The following TBL2 variants were observed in gnomAD, a reference collection of about 807,000 sequenced individuals.
TBL2 encodes the protein transducin beta like 2, also known as transducin beta-like protein 2.
Under a neutral mutation model 41.8 loss-of-function variants are expected in TBL2, and 33 were observed. The observed-to-expected ratio is 0.79, with a 90% CI of 0.60 to 1.06. The LOEUF (loss-of-function observed/expected upper bound fraction) is 1.06. TBL2 is among the 50% of genes least tolerant of loss of function. The pLI is 0.00. For synonymous variants in TBL2, 239 were observed against 241.7 expected (o/e 0.99, Z 0.10); for missense variants, 522 against 603.8 (o/e 0.86, Z 1.42).
At chr7:73,574,709 C>A (rs1554588590) in intron 1 of TBL2, 196 bp from the exon 2 acceptor site, 2 of 699,284 alleles carry the variant, frequency 2.9e-6, no homozygotes, top group Non-Finnish European at 2.4e-6. Context: ...GCCTGTAATC[C>A]CAATGCTTTG....
intron 1 of TBL2, chr7:73,578,100 T>G: frequency 3.0e-6 from 2 of 668,698 alleles, no homozygotes; most frequent in Non-Finnish European, 4.8e-6. Context: ...AATTGGTGCT[T>G]TTTCCGAGAT....
intron 5 of TBL2, chr7:73,571,682 G>GT (rs1311707691): frequency 2.6e-5 from 7 of 267,378 alleles, no homozygotes; most frequent in Non-Finnish European, 5.2e-5. Context: ...CTTGAACCTG[G>GT]TAGGTGGAGG....
rs1373362574 is a variant in TBL2, at chr7:73,574,485, G to A, written c.159C>T (p.Asp53=). Residue 53 remains aspartate, a synonymous_variant, in exon 2 of 7, where the codon GAC becomes GAT. Coordinates refer to ENST00000305632, the MANE Select transcript of TBL2 (RefSeq NM_012453.4). ...TCTGCTTCTTGGATCCCGAAGATTTGTCAGGTGGAAATCCATTTGCTTTTT... is the reference window on the plus strand; with the variant it reads ...TCTGCTTCTTGGATCCCGAAGATTTATCAGGTGGAAATCCATTTGCTTTTT... ...ACQKANGFPP[D]KSSGSKKQKQ... The A allele has an allele frequency of 6.2e-7, 1 of 1,614,100 alleles. No homozygotes were observed. Among genetic ancestry groups the A allele is most frequent in the African/African-American group, 1.3e-5 (1 of 74,930 alleles).
rs1554587379 is a variant in TBL2, at chr7:73,570,956, T to C, written c.895A>G (p.Lys299Glu). The C allele has an allele frequency of 1.9e-6, 3 of 1,603,572 alleles. No homozygotes were observed. In the African/African-American group the frequency reaches 4.0e-5, roughly 21 times the overall value. The change falls in exon 7 of 7, where the codon AAG becomes GAG. Residue 299 changes from lysine (K) to glutamate (E), a missense_variant. Lys to Glu is a moderately conservative substitution (Grantham distance 56). Coordinates refer to ENST00000305632, the MANE Select transcript of TBL2 (RefSeq NM_012453.4). ...TCCCACAGTTTCCATGTACCATCCT[T>C]GGAGACAGAAGCCATCCTGCAACAC... ...NDSRRMASVS[K>E]DGTWKLWDTD...
chr7:73,576,601 C>A (rs1366606731), intron 1 of TBL2: 2 of 456,246 alleles, frequency 4.4e-6, no homozygotes, highest in Non-Finnish European at 8.8e-6. Flanking sequence ...GGAGTGGAGC[C>A]AGTCACTTTT....
chr7:73,574,183 C>A, intron 2 of TBL2, 61 bp from the exon 3 acceptor site: 1 of 1,590,388 alleles, frequency 6.3e-7, no homozygotes, highest in Non-Finnish European at 8.6e-7. Context: ...GGAAGCCAAA[C>A]CTGGAGCCGG....
intron 5 of TBL2, among the ~76,000 whole-genome samples, 190 bp downstream of exon 5, chr7:73,572,654 C>T (rs1333377768): frequency 1.3e-5 from 2 of 152,070 alleles, no homozygotes; most frequent in African/African-American, 4.8e-5. Context: ...GAAGAAATAG[C>T]GACTAAGGAC....
At chr7:73,574,282 G>C (rs1053322577) in intron 2 of TBL2, 101 bp downstream of exon 2, 2 of 1,549,870 alleles carry the variant, frequency 1.3e-6, no homozygotes, top group Non-Finnish European at 1.7e-6. Context: ...CGCTGATTCT[G>C]ATCAGAGGCA....
Position 73,570,312 on chromosome 7 carries a change from GGGA to G in TBL2, c.*192_*194del, listed in dbSNP as rs1186888040. ...AGAAAAGCACCTTGGCCACTAGTCA[GGGA>G]GGAGTCACAGCCAGCAAGAAGAGAG... is the stretch of plus-strand genomic sequence containing the variant. On this transcript the variant is annotated 3_prime_UTR_variant, in exon 7 of 7. Transcript: ENST00000305632. 18 of 1,015,950 alleles carry G rather than the reference GGGA, an allele frequency of 1.8e-5. No individual in the cohort carries two copies. The highest frequency in any genetic ancestry group is 1.6e-4 in the African/African-American group (10 of 61,498). The allele number at this position is 1,015,950 out of a possible 1,614,324, so 62.9% of individuals were successfully genotyped here.
At chr7:73,575,395 A>G (rs1793244989) in intron 1 of TBL2, among the ~76,000 whole-genome samples, 1 of 150,494 alleles carries the variant, frequency 6.6e-6, no homozygotes, top group African/African-American at 2.5e-5. Context: ...GGTTCACGCC[A>G]TTCTCCTGCC....
intron 1 of TBL2, chr7:73,576,589 G>A (rs1339402711): frequency 4.4e-6 from 2 of 456,248 alleles, no homozygotes; most frequent in East Asian, 6.9e-5. Flanking sequence ...GTCCTGTGCG[G>A]GGGAGTGGAG....
chr7:73,573,055 C>T, intron 4 of TBL2, 85 bp from the exon 5 acceptor site: 1 of 1,577,770 alleles, frequency 6.3e-7, no homozygotes, highest in South Asian at 1.2e-5. Flanking sequence ...GCCTCTGCTG[C>T]CCGAAGTATA....
intron 5 of TBL2, 44 bp downstream of exon 5, chr7:73,572,800 C>A (rs1554587910): frequency 5.0e-6 from 8 of 1,613,292 alleles, no homozygotes; most frequent in Non-Finnish European, 6.8e-6. Flanking sequence ...CTCCCCAGCC[C>A]CAGCCTCTCG....
Position 73,574,476 on chromosome 7 carries a change from C to G in TBL2, c.168G>C (p.Ser56=). ...GATATTGTTTCTGCTTCTTGGATCC[C>G]GAAGATTTGTCAGGTGGAAATCCAT... ...KANGFPPDKS[S]GSKKQKQYQR... The change falls in exon 2 of 7, where the codon TCG becomes TCC. Residue 56 remains serine, a synonymous_variant. Transcript: ENST00000305632. The G allele has an allele frequency of 1.9e-6, 3 of 1,614,132 alleles. No homozygotes were observed. The highest frequency in any genetic ancestry group is 2.5e-6 in the Non-Finnish European group (3 of 1,180,030).
In TBL2 at chr7:73,571,981, T is replaced by A. The variant is rs144704617; in HGVS notation, c.726-640A>T. 737 of 160,612 alleles carry A rather than the reference T, an allele frequency of 4.6e-3. 7 individuals are homozygous for A. Among genetic ancestry groups the A allele is most frequent in the African/African-American group, 0.017 (706 of 41,576 alleles). The allele number at this position is 160,612 out of a possible 1,614,324, so 9.9% of individuals were successfully genotyped here. ...GGGAGGCTGAGGCAGGAGAATCGCT[T>A]GAACCCGGGAGACGGAGGTTGTGGT... On this transcript the variant is annotated intron_variant, in intron 5 of 6. Coordinates refer to ENST00000305632, the MANE Select transcript of TBL2 (RefSeq NM_012453.4).
rs569789560 is a variant in TBL2, at chr7:73,568,366, A to G, written c.*2141T>C. Among the ~76,000 whole-genome samples the G allele has an allele frequency of 2.0e-5, 3 of 152,228 alleles. No individual in the cohort carries two copies. In the South Asian group the frequency reaches 6.2e-4, roughly 32 times the overall value. On this transcript the variant is annotated 3_prime_UTR_variant, in exon 7 of 7. Transcript: ENST00000305632. ...CCTTAGTGTTTTGTTTGGTCCAGAT[A>G]GTGTTTAGTTATTTAAGTTGCTCAC...
rs1425536882 is a variant in TBL2 at position 73,578,573 on chromosome 7, A to G, written c.-24T>C. 6.5e-7 allele frequency: 1 copy of G among 1,532,802 alleles called. No homozygotes were observed. Among genetic ancestry groups the G allele is most frequent in the Middle Eastern group, 1.9e-4 (1 of 5,220 alleles). The allele number at this position is 1,532,802 out of a possible 1,614,324, so 95.0% of individuals were successfully genotyped here. A position where few individuals can be genotyped will look rare whatever the true frequency, so the allele number is the denominator to read the frequency against. On this transcript the variant is annotated 5_prime_UTR_variant, in exon 1 of 7. Coordinates refer to ENST00000305632, the MANE Select transcript of TBL2 (RefSeq NM_012453.4). ...ATGTTGGTGGAACCACTGCCACCTCAGCTAGTGAGTACGCGGGCGCCCGCA... is the reference window on the plus strand; with the variant it reads ...ATGTTGGTGGAACCACTGCCACCTCGGCTAGTGAGTACGCGGGCGCCCGCA...
chr7:73,568,526 T>G lies in TBL2; in HGVS notation c.*1981A>C, dbSNP rs1416459035. ...TTCTACTGCCTTACACCCAGGTAAC[T>G]GACCCTTCACACATTTACGGTGCCC... On this transcript the variant is annotated 3_prime_UTR_variant, in exon 7 of 7. Transcript: ENST00000305632. Among the ~76,000 whole-genome samples the G allele has an allele frequency of 1.3e-5, 2 of 152,184 alleles. No homozygotes were observed. The highest frequency in any genetic ancestry group is 2.9e-5 in the Non-Finnish European group (2 of 68,032).
At chr7:73,571,380 G>A (rs531413774) in intron 5 of TBL2, 39 bp from the exon 6 acceptor site, 18 of 1,612,802 alleles carry the variant, frequency 1.1e-5, no homozygotes, top group South Asian at 5.5e-5. Context: ...CTTCATTTTC[G>A]GAGCATGTTG....
Sources: allele counts gnomAD v4.1 joint callset (sites outside exome capture counted in the v4.1 genomes callset), GRCh38; gene constraint gnomAD v4.1.1; transcripts MANE v1.5; gene names NCBI Gene and HGNC (gene_info 2026-07-23, HGNC 2026-07-21).